The following ITGA6 variants were observed in gnomAD, a reference collection of about 807,000 sequenced individuals.
ITGA6 encodes integrin subunit alpha 6, also known as integrin alpha-6.
In ITGA6, 63 loss-of-function variants were observed where a neutral mutation model predicts 133.6. The observed-to-expected ratio is 0.47, with a 90% CI of 0.38 to 0.58. The LOEUF (loss-of-function observed/expected upper bound fraction) is 0.58. ITGA6 is among the 20% of genes least tolerant of loss of function. The pLI is 0.00. For synonymous variants in ITGA6, 434 were observed against 482.0 expected (o/e 0.90, Z 1.30); for missense variants, 1,068 against 1,309.4 (o/e 0.82, Z 2.85).
At chr2:172,497,343 A>C (rs1362403614) in intron 23 of ITGA6, among the ~76,000 whole-genome samples, 2 of 152,168 alleles carry the variant, frequency 1.3e-5, no homozygotes, top group Admixed American at 1.3e-4. Context: ...AAAATTTTTA[A>C]AAAAATTAGC....
intron 9 of ITGA6, among the ~76,000 whole-genome samples, chr2:172,477,703 T>C (rs930079883): frequency 6.6e-6 from 1 of 152,204 alleles, no homozygotes; most frequent in Non-Finnish European, 1.5e-5. Flanking sequence ...TACTTGCAGA[T>C]AGTGTGAAAG....
At chr2:172,479,873 T>A in intron 10 of ITGA6, 117 bp from the exon 11 acceptor site, 2 of 1,103,230 alleles carry the variant, frequency 1.8e-6, no homozygotes, top group Non-Finnish European at 2.8e-6. Flanking sequence ...GTCAAGTGTT[T>A]TTATAACATG....
intron 23 of ITGA6, among the ~76,000 whole-genome samples, chr2:172,494,530 T>TC (rs1687053710): frequency 1.3e-5 from 2 of 152,022 alleles, no homozygotes; most frequent in Admixed American, 1.3e-4. Context: ...AAAAAACACT[T>TC]CTAAATTAGG....
chr2:172,427,566 C>T (rs1683893900), upstream of ITGA6: 1 of 1,224,164 alleles, frequency 8.2e-7, no homozygotes, highest in Non-Finnish European at 1.0e-6. Flanking sequence ...TGATAAAACG[C>T]CTGCGAGTCT....
In ITGA6 at chr2:172,485,053, T is replaced by C. The variant is rs1686605484; in HGVS notation, c.1711-68T>C. ...TGGCAACCTCTTAATCAATACAAAATCATTGTTTTGGAATTCCCCAATAGC... is the reference window on the plus strand; with the variant it reads ...TGGCAACCTCTTAATCAATACAAAACCATTGTTTTGGAATTCCCCAATAGC... On this transcript the variant is annotated intron_variant, in intron 12 of 25. Coordinates refer to ENST00000684293, the MANE Select transcript of ITGA6 (RefSeq NM_000210.4). 2.5e-6 allele frequency: 4 copies of C among 1,594,016 alleles called. No individual in the cohort carries two copies. In the African/African-American group the frequency reaches 4.0e-5, roughly 16 times the overall value.
intron 23 of ITGA6, among the ~76,000 whole-genome samples, chr2:172,492,220 C>G (rs145857513): frequency 6.6e-6 from 1 of 152,220 alleles, no homozygotes; most frequent in Non-Finnish European, 1.5e-5. Context: ...CGGCACCACA[C>G]TTCTGTCAGA....
intron 2 of ITGA6, among the ~76,000 whole-genome samples, chr2:172,466,601 C>A (rs1369307047): frequency 6.6e-6 from 1 of 152,140 alleles, no homozygotes; most frequent in African/African-American, 2.4e-5. Flanking sequence ...GCCTGGGTGA[C>A]AGAGCAAGAT....
At chr2:172,493,100 G>A (rs1311854355) in intron 23 of ITGA6, among the ~76,000 whole-genome samples, 1 of 151,876 alleles carries the variant, frequency 6.6e-6, no homozygotes, top group Non-Finnish European at 1.5e-5. Context: ...TATAGCCAGA[G>A]TCTCACCATG....
intron 20 of ITGA6, chr2:172,489,922 C>CAGTATGTT: frequency 2.4e-6 from 1 of 416,402 alleles, no homozygotes; most frequent in South Asian, 2.3e-5. Context: ...CATCATGACC[C>CAGTATGTT]AGTATGTTAC....
chr2:172,474,638 A>G (rs2149048235), intron 6 of ITGA6, among the ~76,000 whole-genome samples: 1 of 152,332 alleles, frequency 6.6e-6, no homozygotes, highest in African/African-American at 2.4e-5. Flanking sequence ...TAAAAAACAG[A>G]TATGTGGCTG....
intron 1 of ITGA6, among the ~76,000 whole-genome samples, chr2:172,460,399 G>A (rs1371091183): frequency 6.6e-6 from 1 of 152,184 alleles, no homozygotes; most frequent in Non-Finnish European, 1.5e-5. Context: ...AGGGAAAATA[G>A]AGGTTTAAAT....
At chr2:172,487,661 C>T (rs188523115) in intron 16 of ITGA6, 31 bp downstream of exon 16, 1 of 1,597,026 alleles carries the variant, frequency 6.3e-7, no homozygotes, top group African/African-American at 1.3e-5. Context: ...CTGTATTTTA[C>T]TGTTTTAAAT....
At chr2:172,500,507 G>A (rs28537646) in intron 24 of ITGA6, among the ~76,000 whole-genome samples, 4,003 of 152,238 alleles carry the variant, frequency 0.026, 172 homozygotes, top group African/African-American at 0.092. Context: ...GCGGGCACCT[G>A]TAGTCCCAGC....
At chr2:172,434,444 C>T (rs889865828) in intron 1 of ITGA6, among the ~76,000 whole-genome samples, 7 of 152,088 alleles carry the variant, frequency 4.6e-5, no homozygotes, top group Non-Finnish European at 1.0e-4. Context: ...ATACCGATTC[C>T]GAGGTTGGCA....
At position 172,489,486 on chromosome 2, in the gene ITGA6, TA is replaced by T; in HGVS notation, c.2509del (p.Ile837Ter). 6.2e-7 allele frequency: 1 copy of T among 1,609,306 alleles called. No homozygotes were observed. Among genetic ancestry groups the T allele is most frequent in the Non-Finnish European group, 8.5e-7 (1 of 1,175,636 alleles). The part of the protein sequence containing the change: ...VGSLIEYEFR[V>X]INLGKPLTNL... ...ATAATATGTATTATTTTCTAACAGG[TA>T]ATAAACTTAGGTAAACCTCTTACAA... On this transcript the variant is annotated frameshift_variant and splice_region_variant, in exon 20 of 26. Transcript: ENST00000684293. LOFTEE classifies it high-confidence loss of function.
At chr2:172,433,747 C>G (rs1684203665) in intron 1 of ITGA6, among the ~76,000 whole-genome samples, 1 of 152,170 alleles carries the variant, frequency 6.6e-6, no homozygotes, top group Non-Finnish European at 1.5e-5. Flanking sequence ...TCATCACATT[C>G]TCCCTTTCTT....
chr2:172,492,175 C>G (rs4972510), intron 23 of ITGA6, among the ~76,000 whole-genome samples: 22,085 of 152,190 alleles, frequency 0.15, 1,716 homozygotes, highest in Non-Finnish European at 0.17. Flanking sequence ...TCTGCTTGGT[C>G]CCACTTACCC....
rs1314516171 is a variant in ITGA6, at chr2:172,487,150, T to C, written c.1970+12T>C. On this transcript the variant is annotated intron_variant, in intron 14 of 25. Transcript: ENST00000684293. ...TCTTATTTACCAATGTAAGAATCGT[T>C]GTGTAGCACTAGCAAAAATGATTCT... is the stretch of plus-strand genomic sequence containing the variant. 1.9e-6 allele frequency: 3 copies of C among 1,539,508 alleles called. No individual in the cohort carries two copies. The highest frequency in any genetic ancestry group is 2.7e-5 in the African/African-American group (2 of 73,502).
At chr2:172,458,950 T>C (rs1427431642) in intron 1 of ITGA6, among the ~76,000 whole-genome samples, 3 of 151,988 alleles carry the variant, frequency 2.0e-5, no homozygotes, top group Non-Finnish European at 4.4e-5. Context: ...AAAATGTCAG[T>C]ATAAATACCA....
Sources: allele counts gnomAD v4.1 joint callset (sites outside exome capture counted in the v4.1 genomes callset), GRCh38; gene constraint gnomAD v4.1.1; transcripts MANE v1.5; gene names NCBI Gene and HGNC (gene_info 2026-07-23, HGNC 2026-07-21).